The following ELOVL2 variants were observed in gnomAD, a reference collection of about 807,000 sequenced individuals.
ELOVL2 encodes the protein very long chain fatty acid elongase 2.
ELOVL2 carries 38 observed loss-of-function variants against 37.7 expected under a neutral mutation model. That is an observed-to-expected ratio of 1.01 (90% CI 0.78 to 1.32). ELOVL2 has a LOEUF of 1.32. ELOVL2 is among the 40% of genes most tolerant of loss of function. The pLI is 0.00. For missense variants in ELOVL2, 352 were observed against 363.6 expected, an observed-to-expected ratio of 0.97 and a Z score of 0.26; for synonymous variants, 115 against 122.3, an observed-to-expected ratio of 0.94 and a Z score of 0.40.
Position 11,005,492 on chromosome 6 carries a change from A to T in ELOVL2, c.135T>A (p.Tyr45Ter). ...TGTTACCCAGCCATATTGAGAGCAG[A>T]TACATGACAGTAAGAAAAAAGGTAG... Reference protein sequence around the residue: ...YLPTFFLTVMYLLSIWLGNKY... With the variant: ...YLPTFFLTVM Residue 45 changes from tyrosine (Y) to a stop codon, truncating the protein, a stop_gained, in exon 3 of 8, where the codon TAT becomes TAA. Coordinates refer to ENST00000354666, the MANE Select transcript of ELOVL2 (RefSeq NM_017770.4). LOFTEE classifies it high-confidence loss of function. 2 of 1,614,196 alleles carry T rather than the reference A, an allele frequency of 1.2e-6. No homozygotes were observed.
intron 4 of ELOVL2, among the ~76,000 whole-genome samples, chr6:10,999,381 T>C (rs1025184466): frequency 6.0e-5 from 2 of 33,336 alleles, no homozygotes; most frequent in African/African-American, 3.0e-4. Context: ...AAGGAAATGC[T>C]TTTTTTTTTT....
At position 11,020,915 on chromosome 6, in the gene ELOVL2, G is replaced by T. The variant is rs192336516; in HGVS notation, c.4-10106C>A. ...TAACACAGTACAGAGCTCAGTGGAA[G>T]GAAAAGTCCATCTCAGTGAACTGTG... On this transcript the variant is annotated intron_variant, in intron 1 of 7. Coordinates refer to ENST00000354666, the MANE Select transcript of ELOVL2 (RefSeq NM_017770.4). Among the ~76,000 whole-genome samples, 432 of 152,318 alleles carry T rather than the reference G, an allele frequency of 2.8e-3. 1 individual carries two copies. Among genetic ancestry groups the T allele is most frequent in the Non-Finnish European group, 4.6e-3 (316 of 68,022 alleles).
chr6:11,042,722 G>A (rs1014945826), intron 1 of ELOVL2, among the ~76,000 whole-genome samples: 1 of 151,510 alleles, frequency 6.6e-6, no homozygotes, highest in African/African-American at 2.4e-5. Context: ...CCCTCCTGTC[G>A]GGAGTATCTC....
chr6:11,039,077 A>G (rs970714885), intron 1 of ELOVL2, among the ~76,000 whole-genome samples: 3 of 152,242 alleles, frequency 2.0e-5, no homozygotes, highest in Admixed American at 1.3e-4. Context: ...GCAGACAGAC[A>G]TAAAGCTCTC....
chr6:11,026,118 T>C lies in ELOVL2; in HGVS notation c.4-15309A>G, dbSNP rs111757490. On this transcript the variant is annotated intron_variant, in intron 1 of 7. Transcript: ENST00000354666. ...CAAGAGCCAGTTATGACAGCGTGGC[T>C]TCCCCTTTGCTAGTGCTAGCAGCCT... Among the ~76,000 whole-genome samples the C allele has an allele frequency of 2.9e-3, 444 of 152,260 alleles. 3 individuals carry two copies. Among genetic ancestry groups the C allele is most frequent in the African/African-American group, 0.01 (427 of 41,552 alleles).
At chr6:10,987,289 C>T (rs1380791369) in intron 7 of ELOVL2, among the ~76,000 whole-genome samples, 1 of 152,052 alleles carries the variant, frequency 6.6e-6, no homozygotes, top group Non-Finnish European at 1.5e-5. Context: ...TTGATCCTTT[C>T]AAAAAACCAG....
At chr6:11,023,958 T>C (rs957977755) in intron 1 of ELOVL2, among the ~76,000 whole-genome samples, 1 of 152,204 alleles carries the variant, frequency 6.6e-6, no homozygotes, top group Non-Finnish European at 1.5e-5. Flanking sequence ...GATAATTGAA[T>C]TTCATGTTAG....
At chr6:11,040,219 T>C (rs941545130) in intron 1 of ELOVL2, among the ~76,000 whole-genome samples, 13 of 152,120 alleles carry the variant, frequency 8.5e-5, no homozygotes, top group African/African-American at 2.9e-4. Flanking sequence ...GAAAGATGAG[T>C]AGCTTTCTTT....
rs1262914278 is a variant in ELOVL2, at chr6:10,981,374, G to A, written c.*2407C>T. 1 of 152,488 alleles carries A rather than the reference G, an allele frequency of 6.6e-6. No homozygotes were observed. Among genetic ancestry groups the A allele is most frequent in the Non-Finnish European group, 1.5e-5 (1 of 68,002 alleles). 9.4% of individuals were successfully genotyped at this position (152,488 alleles called of 1,614,324 possible). ...GTTTTTTGAAGTTACAACACTTAAC[G>A]ACAGGTTAAAATGTTTACCTGATTT... On this transcript the variant is annotated 3_prime_UTR_variant, in exon 8 of 8. Coordinates refer to ENST00000354666, the MANE Select transcript of ELOVL2 (RefSeq NM_017770.4).
chr6:11,040,044 A>T (rs1783075091), intron 1 of ELOVL2, among the ~76,000 whole-genome samples: 1 of 152,200 alleles, frequency 6.6e-6, no homozygotes, highest in Admixed American at 6.5e-5. Flanking sequence ...AGGGGGCTCA[A>T]GGGGTGGAGG....
intron 1 of ELOVL2, among the ~76,000 whole-genome samples, chr6:11,041,106 C>T (rs1291913141): frequency 2.0e-5 from 3 of 152,164 alleles, no homozygotes; most frequent in Non-Finnish European, 4.4e-5. Context: ...CTGATGCTGG[C>T]GTATTTTCAC....
intron 1 of ELOVL2, among the ~76,000 whole-genome samples, chr6:11,014,999 G>A (rs1258815669): frequency 1.3e-5 from 2 of 152,174 alleles, no homozygotes; most frequent in African/African-American, 2.4e-5. Context: ...GTGACAAATT[G>A]TGTATAGCCA....
rs79554116 is a variant in ELOVL2 at position 10,990,391 on chromosome 6, T to C, written c.557A>G (p.Tyr186Cys). ...AGATGGAAACACAGAAAGTCCATAG[T>C]AGGAGTACATAAGAATGTGGATAAA... ...NSFIHILMYS[Y>C]YGLSVFPSMH... Residue 186 changes from tyrosine to cysteine, a missense_variant, in exon 6 of 8, where the codon TAC becomes TGC. By Grantham distance (194) the Tyr-to-Cys change is radical. Transcript: ENST00000354666. The C allele has an allele frequency of 6.2e-7, 1 of 1,612,170 alleles. No individual in the cohort carries two copies. Among genetic ancestry groups the C allele is most frequent in the African/African-American group, 1.3e-5 (1 of 74,992 alleles).
intron 7 of ELOVL2, among the ~76,000 whole-genome samples, chr6:10,986,328 A>T (rs1782053101): frequency 6.6e-6 from 1 of 152,192 alleles, no homozygotes; most frequent in Admixed American, 6.5e-5. Context: ...TTCCTAATTG[A>T]ATACCCTTTA....
rs760870471 is a variant in ELOVL2 at position 10,995,015 on chromosome 6, C to A, written c.497G>T (p.Cys166Phe). The part of the protein sequence containing the change: ...IWWCVLNWIP[C>F]GQSFFGPTLN... ...TTAACAAAATAACTTACTTTGTCCA[C>A]AAGGTATCCAGTTCAAGACACACCA... is the stretch of plus-strand genomic sequence containing the variant. Residue 166 changes from cysteine (C) to phenylalanine (F), a missense_variant, in exon 5 of 8, where the codon TGT becomes TTT. Transcript: ENST00000354666. 1 of 1,594,144 alleles carries A rather than the reference C, an allele frequency of 6.3e-7. No individual in the cohort carries two copies. Among genetic ancestry groups the A allele is most frequent in the Non-Finnish European group, 8.5e-7 (1 of 1,172,026 alleles).
intron 1 of ELOVL2, among the ~76,000 whole-genome samples, chr6:11,030,993 G>A (rs902430663): frequency 3.2e-4 from 49 of 152,070 alleles, no homozygotes; most frequent in African/African-American, 1.2e-3. Flanking sequence ...ATATTCACAA[G>A]CAAAAATAGT....
intron 1 of ELOVL2, among the ~76,000 whole-genome samples, chr6:11,017,199 AAC>A (rs1782697017): frequency 6.6e-6 from 1 of 152,194 alleles, no homozygotes; most frequent in Non-Finnish European, 1.5e-5. Flanking sequence ...CTGTTTATTA[AAC>A]ACTTAGTACG....
At chr6:11,042,230 T>A (rs1783109026) in intron 1 of ELOVL2, among the ~76,000 whole-genome samples, 2 of 152,024 alleles carry the variant, frequency 1.3e-5, no homozygotes, top group Non-Finnish European at 2.9e-5. Context: ...CGAGAATCAC[T>A]TGAGCCCAGG....
In ELOVL2 at chr6:11,010,087, G is replaced by A. The variant is rs182277317; in HGVS notation, c.67+659C>T. On this transcript the variant is annotated intron_variant, in intron 2 of 7. Coordinates refer to ENST00000354666, the MANE Select transcript of ELOVL2 (RefSeq NM_017770.4). Reference sequence around the variant, plus strand: ...TGCCCAGGATGGAGTGTAGTGGCGCGATCTTGGCTCACTGCAAACTCTGCC... The same window carrying A: ...TGCCCAGGATGGAGTGTAGTGGCGCAATCTTGGCTCACTGCAAACTCTGCC... 9.4e-5 allele frequency among the ~76,000 whole-genome samples: 14 copies of A among 148,824 alleles called. No homozygotes were observed. In the East Asian group the frequency reaches 1.4e-3, roughly 15 times the overall value.
Sources: allele counts gnomAD v4.1 joint callset (sites outside exome capture counted in the v4.1 genomes callset), GRCh38; gene constraint gnomAD v4.1.1; transcripts MANE v1.5; gene names NCBI Gene and HGNC (gene_info 2026-07-23, HGNC 2026-07-21).